Variants in RUFY2 observed in about 807,000 individuals in gnomAD.
The protein encoded by RUFY2 is RUN and FYVE domain-containing protein 2.
RUFY2 carries 49 observed loss-of-function variants against 94.4 expected under a neutral mutation model. That is an observed-to-expected ratio of 0.52 (90% CI 0.41 to 0.66). The LOEUF (loss-of-function observed/expected upper bound fraction) is 0.66. Among genes scored for constraint, RUFY2 ranks in the 30% least tolerant of loss-of-function variants. RUFY2 has a pLI of 0.00. For missense variants in RUFY2, 541 were observed against 692.8 expected, an observed-to-expected ratio of 0.78 and a Z score of 2.46; for synonymous variants, 255 against 235.7, an observed-to-expected ratio of 1.08 and a Z score of -0.75.
chr10:68,377,856 T>C, intron 12 of RUFY2: 1 of 985,408 alleles, frequency 1.0e-6, no homozygotes, highest in African/African-American at 1.7e-5. Flanking sequence ...TTCCTCTTCC[T>C]TTCTTCCTTA....
At position 68,404,755 on chromosome 10, in the gene RUFY2, A is replaced by G; in HGVS notation, c.94T>C (p.Phe32Leu). The part of the protein sequence containing the change: ...IKGLIESALS[F>L]GRTLDSDYPP... ...TAGTCAGAATCCAAAGTGCGGCCAA[A>G]GCTCAGAGCAGATTCAATGAGTCCT... The change falls in exon 2 of 18, where the codon TTT (phenylalanine) becomes CTT (leucine). Residue 32 changes from phenylalanine to leucine, a missense_variant. Transcript: ENST00000602465. 1 of 1,613,464 alleles carries G rather than the reference A, an allele frequency of 6.2e-7. No individual in the cohort carries two copies. The highest frequency in any genetic ancestry group is 8.5e-7 in the Non-Finnish European group (1 of 1,179,786).
At position 68,389,499 on chromosome 10, in the gene RUFY2, A is replaced by G. The variant is rs2049814327; in HGVS notation, c.651-3371T>C. Among the ~76,000 whole-genome samples the G allele has an allele frequency of 3.3e-5, 5 of 152,112 alleles. No homozygotes were observed. The South Asian group carries it at 1.0e-3, about 31-fold the overall frequency. On this transcript the variant is annotated intron_variant, in intron 7 of 17. Coordinates refer to ENST00000602465, the MANE Select transcript of RUFY2 (RefSeq NM_001330103.2). ...CCCCTACTCAGGAGCCTGAGGCAGG[A>G]GAATCACTTGAAACTGGAAGGCGGA...
chr10:68,374,616 C>G (rs1049131349), intron 13 of RUFY2, among the ~76,000 whole-genome samples: 4 of 152,126 alleles, frequency 2.6e-5, no homozygotes, highest in Non-Finnish European at 4.4e-5. Context: ...AACTACTAGA[C>G]AGAAAATCAC....
chr10:68,377,353 A>G (rs929845802), intron 12 of RUFY2: 10 of 1,064,226 alleles, frequency 9.4e-6, no homozygotes, highest in Middle Eastern at 8.8e-4. Flanking sequence ...TTATGCCTAC[A>G]CTAGGTGAAG....
downstream of RUFY2, chr10:68,343,057 T>A (rs898280757): frequency 6.6e-6 from 1 of 152,212 alleles, no homozygotes; most frequent in Non-Finnish European, 1.5e-5. Flanking sequence ...TTAATTTTAA[T>A]CCCTTTGATC....
At chr10:68,390,205 CTT>C (rs1373696891) in intron 7 of RUFY2, among the ~76,000 whole-genome samples, 1 of 152,068 alleles carries the variant, frequency 6.6e-6, no homozygotes, top group African/African-American at 2.4e-5. Context: ...TTAAAAAAGA[CTT>C]ATATGAAGTC....
intron 12 of RUFY2, among the ~76,000 whole-genome samples, chr10:68,378,912 A>C (rs947152356): frequency 6.6e-6 from 1 of 152,230 alleles, no homozygotes; most frequent in Non-Finnish European, 1.5e-5. Flanking sequence ...TACATTTTCC[A>C]ACAATAAAAG....
In RUFY2 at chr10:68,355,418, T is replaced by C; in HGVS notation, c.1551-17A>G. 6.5e-7 allele frequency: 1 copy of C among 1,543,644 alleles called. No individual in the cohort carries two copies. The highest frequency in any genetic ancestry group is 9.0e-7 in the Non-Finnish European group (1 of 1,116,974). ...AGTTTTGATCTAAAAAGATTACAAA[T>C]AGGTCCAAATTTCAGTACACATATT... On this transcript the variant is annotated splice_polypyrimidine_tract_variant and intron_variant, in intron 15 of 17. Transcript: ENST00000602465.
chr10:68,393,266 C>T (rs2050138879), intron 6 of RUFY2, 63 bp from the exon 7 acceptor site: 2 of 730,370 alleles, frequency 2.7e-6, no homozygotes. Flanking sequence ...ACAAAAAAAT[C>T]TAAATCATCT....
At chr10:68,350,688 G>C (rs925821375) in intron 16 of RUFY2, among the ~76,000 whole-genome samples, 7 of 151,912 alleles carry the variant, frequency 4.6e-5, no homozygotes, top group African/African-American at 1.4e-4. Context: ...ATTAACCTAA[G>C]CGGAGGATAC....
At chr10:68,363,336 G>A (rs185353818) in intron 15 of RUFY2, among the ~76,000 whole-genome samples, 42 of 152,072 alleles carry the variant, frequency 2.8e-4, no homozygotes, top group Non-Finnish European at 5.3e-4. Flanking sequence ...GCCACCACAA[G>A]CAGCTAATTT....
intron 3 of RUFY2, among the ~76,000 whole-genome samples, chr10:68,398,872 T>C (rs2133164526): frequency 6.6e-6 from 1 of 152,218 alleles, no homozygotes; most frequent in East Asian, 1.9e-4. Context: ...TATTGTAGAG[T>C]CTGGCTTTTT....
intron 4 of RUFY2, among the ~76,000 whole-genome samples, chr10:68,395,285 C>T (rs2050308765): frequency 6.6e-6 from 1 of 151,656 alleles, no homozygotes. Flanking sequence ...TTGCAGTGAG[C>T]CAAGATCGCA....
chr10:68,360,748 A>T (rs1348941329), intron 15 of RUFY2, among the ~76,000 whole-genome samples: 1 of 151,738 alleles, frequency 6.6e-6, no homozygotes, highest in East Asian at 2.0e-4. Flanking sequence ...ACTCCATCTC[A>T]AAAAACGATA....
intron 12 of RUFY2, chr10:68,377,455 T>C: frequency 1.0e-6 from 1 of 993,888 alleles, no homozygotes; most frequent in East Asian, 1.1e-4. Flanking sequence ...TTACTCCAAA[T>C]GATAGCCAAG....
At chr10:68,404,326 C>T (rs1056376986) in intron 2 of RUFY2, among the ~76,000 whole-genome samples, 4 of 152,068 alleles carry the variant, frequency 2.6e-5, no homozygotes, top group Non-Finnish European at 5.9e-5. Flanking sequence ...TGCAGTTGTT[C>T]AACAGGGTTC....
chr10:68,384,223 T>C, intron 8 of RUFY2, 71 bp from the exon 9 acceptor site: 7 of 1,491,912 alleles, frequency 4.7e-6, no homozygotes, highest in Non-Finnish European at 5.3e-6. Context: ...GTTATGTGCA[T>C]GGCCATAAAC....
At chr10:68,392,279 C>T (rs1306024010) in intron 7 of RUFY2, among the ~76,000 whole-genome samples, 10 of 152,002 alleles carry the variant, frequency 6.6e-5, no homozygotes, top group Admixed American at 5.2e-4. Flanking sequence ...GTGATCCACC[C>T]GCCTCGGCCT....
rs182666873 is a variant in RUFY2 at position 68,405,415 on chromosome 10, C to A, written c.5-571G>T. The A allele has an allele frequency of 6.7e-5, 63 of 936,418 alleles. 1 individual carries two copies. The East Asian group carries it at 1.2e-3, about 17-fold the overall frequency. The allele number at this position is 936,418 out of a possible 1,614,324, so 58.0% of individuals were successfully genotyped here. The stretch of plus-strand genomic sequence containing the variant: ...TTATTCTCAAGATCCTGCAAATCTG[C>A]CATTCTCCTGTATTTAACTTTCCTG... On this transcript the variant is annotated intron_variant, in intron 1 of 17. Transcript: ENST00000602465.
Sources: gnomAD v4.1 joint callset for allele counts (sites outside exome capture counted in the v4.1 genomes callset) on GRCh38, gnomAD v4.1.1 for gene constraint, MANE v1.5 for transcripts, NCBI Gene and HGNC (gene_info 2026-07-23, HGNC 2026-07-21) for gene names.